The following NOC3L variants were observed in gnomAD, a reference collection of about 807,000 sequenced individuals.
NOC3L encodes NOC3 like DNA replication regulator.
In NOC3L, 85 loss-of-function variants were observed where a neutral mutation model predicts 102.5. That is an observed-to-expected ratio of 0.83 (90% CI 0.70 to 0.99). The LOEUF (loss-of-function observed/expected upper bound fraction) is 0.99. Among genes scored for constraint, NOC3L ranks in the 50% least tolerant of loss-of-function variants. NOC3L has a pLI of 0.00. For synonymous variants in NOC3L, 303 were observed against 309.4 expected (o/e 0.98, Z 0.22); for missense variants, 878 against 914.9 (o/e 0.96, Z 0.52).
At position 94,334,111 on chromosome 10, in the gene NOC3L, C is replaced by CAA. The variant is rs1288481154; in HGVS notation, c.*64_*65dup. ...ATAAAAAGAAAAGATCCTAAGTTAA[C>CAA]AACTCATCTTTATGTACATCTGCAC... On this transcript the variant is annotated 3_prime_UTR_variant, in exon 21 of 21. Transcript: ENST00000371361. 9 of 736,430 alleles carry CAA rather than the reference C, an allele frequency of 1.2e-5. No homozygotes were observed. The highest frequency in any genetic ancestry group is 2.1e-5 in the Non-Finnish European group (9 of 426,914). The allele number at this position is 736,430 out of a possible 1,614,324, so 45.6% of individuals were successfully genotyped here. A position where few individuals can be genotyped will look rare whatever the true frequency, so the allele number is the denominator to read the frequency against.
At chr10:94,350,702 G>A (rs1458792623) in intron 8 of NOC3L, among the ~76,000 whole-genome samples, 9 of 133,214 alleles carry the variant, frequency 6.8e-5, no homozygotes, top group Admixed American at 5.8e-4. Flanking sequence ...TGGCGACAGA[G>A]CAAGACATCG....
chr10:94,339,871 C>G lies in NOC3L; in HGVS notation c.1830G>C (p.Met610Ile). ...AAACTTGCTTTCTGCGCTTAGTTAG[C>G]ATGACATCAAGGCACTGGAGTACAA... Reference protein sequence around the residue: ...VEIVLQCLDVMLTKRRKQVSQ... With the variant: ...VEIVLQCLDVILTKRRKQVSQ... The change falls in exon 17 of 21, where the codon ATG (methionine) becomes ATC (isoleucine). Residue 610 changes from methionine to isoleucine, a missense_variant. Met to Ile is a conservative substitution (Grantham distance 10, BLOSUM62 1). Coordinates refer to ENST00000371361, the MANE Select transcript of NOC3L (RefSeq NM_022451.11). 6.2e-7 allele frequency: 1 copy of G among 1,614,210 alleles called. No individual in the cohort carries two copies. The highest frequency in any genetic ancestry group is 2.2e-5 in the East Asian group (1 of 44,880).
In NOC3L at chr10:94,354,949, TTAA is replaced by T. The variant is rs1340707712; in HGVS notation, c.696+11_696+13del. Reference sequence around the variant, plus strand: ...ACCTAATACAAAGAGCCTAAAGAAATTAATACTACCTACATTATTTTCTGGATC... The same window carrying T: ...ACCTAATACAAAGAGCCTAAAGAAATTACTACCTACATTATTTTCTGGATC... On this transcript the variant is annotated intron_variant, in intron 6 of 20. Transcript: ENST00000371361. 1 of 1,610,754 alleles carries T rather than the reference TTAA, an allele frequency of 6.2e-7. No homozygotes were observed. The highest frequency in any genetic ancestry group is 1.3e-5 in the African/African-American group (1 of 74,786).
At chr10:94,316,462 A>G in the NOC3L span, 1 of 836,968 alleles carries the variant, frequency 1.2e-6, no homozygotes, top group Non-Finnish European at 2.1e-6. Context: ...TATAAATTGC[A>G]TAGCAAACCT....
intron 3 of NOC3L, 104 bp from the exon 4 acceptor site, chr10:94,357,435 T>A (rs138165212): frequency 1.1e-6 from 1 of 948,348 alleles, no homozygotes; most frequent in Non-Finnish European, 1.5e-6. Context: ...CAACTTTCAA[T>A]AGGTATATGG....
intron 13 of NOC3L, among the ~76,000 whole-genome samples, 158 bp from the exon 14 acceptor site, chr10:94,341,903 T>C (rs2054289734): frequency 6.6e-6 from 1 of 152,246 alleles, no homozygotes; most frequent in East Asian, 1.9e-4. Flanking sequence ...TAATTCAGAT[T>C]GGCCTCTTCA....
Position 94,361,877 on chromosome 10 carries a change from A to C in NOC3L, c.10-5T>G, listed in dbSNP as rs778729114. Reference sequence around the variant, plus strand: ...GATCTGTTTTTTATTTCTTCTCTAGAAAATAACAGAAAGAATACTGCATAC... The same window carrying C: ...GATCTGTTTTTTATTTCTTCTCTAGCAAATAACAGAAAGAATACTGCATAC... On this transcript the variant is annotated splice_polypyrimidine_tract_variant and splice_region_variant and intron_variant, in intron 1 of 20. Transcript: ENST00000371361. 1 of 1,585,792 alleles carries C rather than the reference A, an allele frequency of 6.3e-7. No individual in the cohort carries two copies. Among genetic ancestry groups the C allele is most frequent in the South Asian group, 1.1e-5 (1 of 89,910 alleles).
intron 3 of NOC3L, chr10:94,357,769 A>G (rs7067896): frequency 0.016 from 4,720 of 299,418 alleles, 208 homozygotes; most frequent in African/African-American, 0.091. Flanking sequence ...ACCTACCAGC[A>G]GGGTAATGAG....
At chr10:94,327,939 C>CTAA in the NOC3L span, 1 of 527,222 alleles carries the variant, frequency 1.9e-6, no homozygotes, top group Admixed American at 2.0e-5. Flanking sequence ...TTTCAGTATA[C>CTAA]TAATAAGCCT....
intron 6 of NOC3L, among the ~76,000 whole-genome samples, chr10:94,354,691 T>G (rs779336975): frequency 3.3e-5 from 5 of 152,222 alleles, no homozygotes; most frequent in Non-Finnish European, 5.9e-5. Flanking sequence ...TAAACATTTT[T>G]AGAGTTATAA....
At chr10:94,316,579 T>C in the NOC3L span, 1 of 1,608,738 alleles carries the variant, frequency 6.2e-7, no homozygotes, top group South Asian at 1.1e-5. Context: ...TCAAACCTGT[T>C]ACCACAGACT....
the NOC3L span, among the ~76,000 whole-genome samples, chr10:94,326,763 A>C: frequency 6.6e-6 from 1 of 152,286 alleles, no homozygotes; most frequent in Non-Finnish European, 1.5e-5. Context: ...TAGCAAGTAG[A>C]TATTTATTTT....
At chr10:94,330,928 T>C (rs1360536645), downstream of NOC3L, 2 of 152,334 alleles carry the variant, frequency 1.3e-5, no homozygotes, top group East Asian at 3.9e-4. Context: ...AAAGTTGATG[T>C]GGACAAGAAT....
rs1237371165 is a variant in NOC3L, at chr10:94,347,619, C to T, written c.1258-1063G>A. On this transcript the variant is annotated intron_variant, in intron 10 of 20. Coordinates refer to ENST00000371361, the MANE Select transcript of NOC3L (RefSeq NM_022451.11). ...TAAGAAAATAAAAAGGAATCTGATGCCAAAGGAAAACTGTGAAATCCAGAA... is the reference window on the plus strand; with the variant it reads ...TAAGAAAATAAAAAGGAATCTGATGTCAAAGGAAAACTGTGAAATCCAGAA... Among the ~76,000 whole-genome samples, 5 of 152,032 alleles carry T rather than the reference C, an allele frequency of 3.3e-5. No homozygotes were observed. In the East Asian group the frequency reaches 9.6e-4, roughly 29 times the overall value.
At chr10:94,318,875 C>CCAT in the NOC3L span, among the ~76,000 whole-genome samples, 1 of 152,294 alleles carries the variant, frequency 6.6e-6, no homozygotes, top group Admixed American at 6.5e-5. Flanking sequence ...TGGCAAAACT[C>CCAT]CATCTCTACT....
downstream of NOC3L, chr10:94,330,862 T>C (rs1465782358): frequency 1.3e-5 from 2 of 152,220 alleles, no homozygotes; most frequent in African/African-American, 4.8e-5. Flanking sequence ...ACTATACCCA[T>C]TACCATTTCA....
chr10:94,323,350 C>G, the NOC3L span, among the ~76,000 whole-genome samples: 2 of 152,206 alleles, frequency 1.3e-5, no homozygotes, highest in Non-Finnish European at 2.9e-5. Context: ...GTGTTAGATT[C>G]AAATCCCAGC....
intron 12 of NOC3L, 87 bp from the exon 13 acceptor site, chr10:94,344,602 CT>C: frequency 4.4e-6 from 4 of 913,928 alleles, no homozygotes; most frequent in Non-Finnish European, 6.8e-6. Context: ...AACAGGTTAA[CT>C]TTTTTCCCTA....
At chr10:94,337,383 C>T (rs1347707212) in intron 19 of NOC3L, among the ~76,000 whole-genome samples, 5 of 150,014 alleles carry the variant, frequency 3.3e-5, no homozygotes, top group South Asian at 2.1e-4. Context: ...ACCGAGCGAG[C>T]GAGAAAGCAA....
Sources: gnomAD v4.1 joint callset for allele counts (sites outside exome capture counted in the v4.1 genomes callset) on GRCh38, gnomAD v4.1.1 for gene constraint, MANE v1.5 for transcripts, NCBI Gene and HGNC (gene_info 2026-07-23, HGNC 2026-07-21) for gene names.